Variants in MPP7 observed in about 807,000 individuals in gnomAD.
MPP7 encodes the protein MAGUK p55 subfamily member 7.
In MPP7, 60 loss-of-function variants were observed where a neutral mutation model predicts 76.5. The observed-to-expected ratio is 0.78, with a 90% CI of 0.64 to 0.97. The LOEUF (loss-of-function observed/expected upper bound fraction) is 0.97. Among genes scored for constraint, MPP7 ranks in the 50% least tolerant of loss-of-function variants. The pLI is 0.00. For missense variants in MPP7, 641 were observed against 694.0 expected (o/e 0.92, Z 0.86); for synonymous variants, 237 against 244.5 (o/e 0.97, Z 0.29).
chr10:28,189,671 T>C (rs1837350044), intron 3 of MPP7, among the ~76,000 whole-genome samples: 2 of 143,120 alleles, frequency 1.4e-5, no homozygotes, highest in South Asian at 2.2e-4. Flanking sequence ...TTAAGTATAA[T>C]TGATTTGATA....
chr10:28,143,483 T>C (rs1210207188), intron 5 of MPP7, among the ~76,000 whole-genome samples: 1 of 152,178 alleles, frequency 6.6e-6, no homozygotes, highest in East Asian at 1.9e-4. Flanking sequence ...TCATAAATCA[T>C]GTATATTAAT....
chr10:28,165,126 A>G (rs1836404431), intron 3 of MPP7, among the ~76,000 whole-genome samples: 1 of 152,160 alleles, frequency 6.6e-6, no homozygotes, highest in Non-Finnish European at 1.5e-5. Context: ...ATAATAGAGC[A>G]TGTGGTGTCT....
intron 11 of MPP7, among the ~76,000 whole-genome samples, chr10:28,103,214 G>A (rs1302281663): frequency 6.6e-6 from 1 of 150,392 alleles, no homozygotes; most frequent in Non-Finnish European, 1.5e-5. Context: ...TCCTGTCTCA[G>A]GGCCTTTGCA....
intron 3 of MPP7, among the ~76,000 whole-genome samples, chr10:28,197,677 A>G (rs1172247336): frequency 1.3e-5 from 2 of 152,134 alleles, no homozygotes; most frequent in African/African-American, 4.8e-5. Flanking sequence ...TGGAGCCCCC[A>G]CAGGCAAGGG....
intron 3 of MPP7, among the ~76,000 whole-genome samples, chr10:28,162,975 C>G (rs1836314060): frequency 6.6e-6 from 1 of 152,018 alleles, no homozygotes; most frequent in Admixed American, 6.6e-5. Flanking sequence ...TTGGTTGGAC[C>G]CAACTGAATA....
chr10:28,111,771 A>AG (rs1834513601), intron 11 of MPP7, among the ~76,000 whole-genome samples: 1 of 152,200 alleles, frequency 6.6e-6, no homozygotes, highest in African/African-American at 2.4e-5. Flanking sequence ...AATTACTAAG[A>AG]GGATAGCAAT....
intron 12 of MPP7, among the ~76,000 whole-genome samples, chr10:28,073,478 C>A (rs929081018): frequency 1.5e-4 from 23 of 152,252 alleles, no homozygotes; most frequent in African/African-American, 5.5e-4. Context: ...AGATTAAAAT[C>A]TTTACATGGA....
chr10:28,087,291 G>T (rs771057779), intron 12 of MPP7, among the ~76,000 whole-genome samples: 2 of 152,140 alleles, frequency 1.3e-5, no homozygotes, highest in Non-Finnish European at 2.9e-5. Flanking sequence ...CAAACTTCCA[G>T]CTATTAGAAC....
intron 13 of MPP7, among the ~76,000 whole-genome samples, chr10:28,061,915 A>G (rs1047761779): frequency 6.6e-6 from 1 of 152,166 alleles, no homozygotes; most frequent in African/African-American, 2.4e-5. Context: ...ATACTTAATC[A>G]AAATGTGTTT....
chr10:28,291,756 G>T (rs1464346515), intron 1 of MPP7, among the ~76,000 whole-genome samples: 2 of 152,194 alleles, frequency 1.3e-5, no homozygotes, highest in East Asian at 3.9e-4. Context: ...TATAAAATGT[G>T]CTTGTGTTTG....
rs1851447990 is a variant in MPP7 at position 28,053,961 on chromosome 10, T to C, written c.*104A>G. 1.2e-6 allele frequency: 1 copy of C among 847,686 alleles called. No individual in the cohort carries two copies. The highest frequency in any genetic ancestry group is 1.9e-6 in the Non-Finnish European group (1 of 518,654). 52.5% of individuals were successfully genotyped at this position (847,686 alleles called of 1,614,324 possible). On this transcript the variant is annotated 3_prime_UTR_variant, in exon 17 of 17. Coordinates refer to ENST00000683449, the MANE Select transcript of MPP7 (RefSeq NM_001318170.2). ...CAGCATTCAACTTGAACCAAGATTG[T>C]ACATCTATGACAGTGATATAGATTT...
intron 1 of MPP7, among the ~76,000 whole-genome samples, chr10:28,268,918 C>CA (rs1010793009): frequency 4.3e-5 from 6 of 140,420 alleles, no homozygotes; most frequent in East Asian, 2.1e-4. Flanking sequence ...GACTCCGTCT[C>CA]AAAAAAAAAC....
chr10:28,306,664 T>TAGAGAG (rs772241963), upstream of MPP7, among the ~76,000 whole-genome samples: 2,251 of 41,258 alleles, frequency 0.055, 37 homozygotes, highest in South Asian at 0.11. Flanking sequence ...AGATGATAGA[T>TAGAGAG]AGATAGAGAG....
chr10:28,253,211 T>C (rs573559390), intron 1 of MPP7, among the ~76,000 whole-genome samples: 22 of 152,346 alleles, frequency 1.4e-4, no homozygotes, highest in African/African-American at 4.8e-4. Flanking sequence ...CGGCCTCATC[T>C]GCATTTCTTT....
intron 2 of MPP7, among the ~76,000 whole-genome samples, chr10:28,319,044 C>T (rs533629364): frequency 1.8e-4 from 28 of 152,238 alleles, no homozygotes; most frequent in East Asian, 1.5e-3. Flanking sequence ...TAATATATAA[C>T]GAAGAGTTTT....
At chr10:28,197,254 C>T (rs1837616589) in intron 3 of MPP7, among the ~76,000 whole-genome samples, 1 of 148,498 alleles carries the variant, frequency 6.7e-6, no homozygotes, top group Non-Finnish European at 1.5e-5. Flanking sequence ...ACGATCTCAG[C>T]TCACTGCAAC....
intron 1 of MPP7, among the ~76,000 whole-genome samples, chr10:28,267,380 T>C (rs1012886889): frequency 1.3e-5 from 2 of 152,204 alleles, no homozygotes; most frequent in African/African-American, 4.8e-5. Context: ...GGCACATCCC[T>C]GACCTTCACA....
rs368765064 is a variant in MPP7 at position 28,290,481 on chromosome 10, GT to G, written c.-132+12379del. On this transcript the variant is annotated intron_variant, in intron 1 of 16. Transcript: ENST00000683449. ...GTCATTTTTAATCAGATTTTGTTTTGTTTTGTTGAGATAAGAGATTCGCTTT... is the reference window on the plus strand; with the variant it reads ...GTCATTTTTAATCAGATTTTGTTTTGTTTGTTGAGATAAGAGATTCGCTTT... 4.8e-3 allele frequency among the ~76,000 whole-genome samples: 728 copies of G among 151,946 alleles called. 8 individuals carry two copies. Among genetic ancestry groups the G allele is most frequent in the African/African-American group, 0.016 (662 of 41,440 alleles).
intron 11 of MPP7, among the ~76,000 whole-genome samples, chr10:28,094,775 T>C (rs1853484904): frequency 1.3e-5 from 2 of 152,176 alleles, no homozygotes; most frequent in African/African-American, 4.8e-5. Context: ...AGTACCTTAT[T>C]AAGTATTAAG....
Sources: gnomAD v4.1 joint callset for allele counts (sites outside exome capture counted in the v4.1 genomes callset) on GRCh38, gnomAD v4.1.1 for gene constraint, MANE v1.5 for transcripts, NCBI Gene and HGNC (gene_info 2026-07-23, HGNC 2026-07-21) for gene names.